Variants in ZRANB3 observed in about 807,000 individuals in gnomAD.
ZRANB3 encodes zinc finger RANBP2-type containing 3.
In ZRANB3, 125 loss-of-function variants were observed where a neutral mutation model predicts 133.8. The observed-to-expected ratio is 0.93, with a 90% CI of 0.81 to 1.08. ZRANB3 has a LOEUF of 1.08. Among genes scored for constraint, ZRANB3 ranks in the 50% least tolerant of loss-of-function variants. The pLI is 0.00. For missense variants in ZRANB3, 1,229 were observed against 1,275.5 expected (o/e 0.96, Z 0.56); for synonymous variants, 387 against 432.7 (o/e 0.89, Z 1.31).
intron 2 of ZRANB3, among the ~76,000 whole-genome samples, chr2:135,407,884 T>A (rs1332864308): frequency 7.1e-6 from 1 of 140,488 alleles, no homozygotes; most frequent in East Asian, 2.0e-4. Flanking sequence ...GAAGAAAACC[T>A]AGGCAATACC....
intron 2 of ZRANB3, among the ~76,000 whole-genome samples, chr2:135,413,703 C>T (rs563132104): frequency 9.0e-4 from 137 of 152,128 alleles, no homozygotes; most frequent in African/African-American, 2.6e-3. Flanking sequence ...TAATTTGATA[C>T]GCAACCAAGA....
intron 3 of ZRANB3, among the ~76,000 whole-genome samples, chr2:135,364,145 G>A (rs1685822379): frequency 6.6e-6 from 1 of 151,064 alleles, no homozygotes; most frequent in South Asian, 2.1e-4. Context: ...AGGGAGGGAA[G>A]GAAGGAAGGA....
At position 135,504,359 on chromosome 2, in the gene ZRANB3, C is replaced by T. The variant is rs763145891; in HGVS notation, c.131G>A (p.Gly44Asp). The T allele has an allele frequency of 6.2e-7, 1 of 1,613,510 alleles. No individual in the cohort carries two copies. The highest frequency in any genetic ancestry group is 8.5e-7 in the Non-Finnish European group (1 of 1,179,692). Residue 44 changes from glycine (G) to aspartate (D), a missense_variant, in exon 2 of 21, where the codon GGC becomes GAC. Coordinates refer to ENST00000264159, the MANE Select transcript of ZRANB3 (RefSeq NM_032143.4). Reference protein sequence around the residue: ...RAKLLPFQKDGIIFALKRNGR... With the variant: ...RAKLLPFQKDDIIFALKRNGR... The stretch of plus-strand genomic sequence containing the variant: ...ATTTCTTTTGAGGGCAAAAATGATG[C>T]CATCTTTCTGGAATGGAAGTAGCTT...
At chr2:135,499,340 T>C (rs1692832784) in intron 2 of ZRANB3, among the ~76,000 whole-genome samples, 1 of 152,198 alleles carries the variant, frequency 6.6e-6, no homozygotes, top group Non-Finnish European at 1.5e-5. Flanking sequence ...ATAAAGATTA[T>C]GTAAGATGAC....
chr2:135,242,048 G>A (rs1040724389), intron 12 of ZRANB3, among the ~76,000 whole-genome samples: 7 of 152,050 alleles, frequency 4.6e-5, no homozygotes, highest in Admixed American at 1.3e-4. Flanking sequence ...GGCATGGTGC[G>A]CACGCCTGTA....
intron 12 of ZRANB3, among the ~76,000 whole-genome samples, 172 bp from the exon 13 acceptor site, chr2:135,231,099 A>G (rs1029866211): frequency 6.6e-6 from 1 of 152,122 alleles, no homozygotes; most frequent in African/African-American, 2.4e-5. Flanking sequence ...ATAAATATAT[A>G]TATGTAAAAC....
chr2:135,271,680 C>G, intron 10 of ZRANB3, 88 bp downstream of exon 10: 1 of 1,437,468 alleles, frequency 7.0e-7, no homozygotes, highest in Non-Finnish European at 9.3e-7. Context: ...TACAAAGTTA[C>G]AAGTTTATAA....
intron 9 of ZRANB3, among the ~76,000 whole-genome samples, chr2:135,273,408 A>G (rs928148943): frequency 2.3e-4 from 35 of 152,346 alleles, no homozygotes; most frequent in Non-Finnish European, 2.6e-4. Flanking sequence ...GCAAGTATAC[A>G]TTAACCAGTA....
chr2:135,477,403 G>C (rs915720414), intron 2 of ZRANB3, among the ~76,000 whole-genome samples: 2 of 152,204 alleles, frequency 1.3e-5, no homozygotes, highest in African/African-American at 4.8e-5. Flanking sequence ...AATGGAGTTT[G>C]ATCAATGGAG....
intron 20 of ZRANB3, among the ~76,000 whole-genome samples, chr2:135,201,123 C>T (rs1868320): frequency 0.27 from 40,807 of 151,976 alleles, 9,160 homozygotes; most frequent in African/African-American, 0.6. Context: ...TGAGCTGGTG[C>T]AGAAAATAAA....
intron 8 of ZRANB3, among the ~76,000 whole-genome samples, chr2:135,283,534 C>T (rs969000368): frequency 1.3e-5 from 2 of 149,266 alleles, no homozygotes; most frequent in Non-Finnish European, 3.0e-5. Flanking sequence ...CACTTGAAGC[C>T]GGGAGGTAGA....
At chr2:135,450,412 T>A (rs1483763956) in intron 2 of ZRANB3, among the ~76,000 whole-genome samples, 1 of 152,002 alleles carries the variant, frequency 6.6e-6, no homozygotes, top group Non-Finnish European at 1.5e-5. Context: ...TACTAAAAAA[T>A]TTTATGTTTC....
Position 135,205,785 on chromosome 2 carries a change from A to G in ZRANB3, c.3009+1649T>C, listed in dbSNP as rs558294044. On this transcript the variant is annotated intron_variant, in intron 19 of 20. Coordinates refer to ENST00000264159, the MANE Select transcript of ZRANB3 (RefSeq NM_032143.4). ...TGTTGTATTAAAATTACATTTTTCA[A>G]TGCAATGAACACATATATGTGTGTG... 7.7e-4 allele frequency among the ~76,000 whole-genome samples: 117 copies of G among 152,336 alleles called. No homozygotes were observed. In the South Asian group the frequency reaches 0.013, roughly 18 times the overall value.
At chr2:135,303,695 T>G (rs913757453) in intron 8 of ZRANB3, among the ~76,000 whole-genome samples, 9 of 152,170 alleles carry the variant, frequency 5.9e-5, no homozygotes, top group South Asian at 4.1e-4. Flanking sequence ...CAAAAAAGAC[T>G]ACAAGGATTT....
chr2:135,265,642 A>G lies in ZRANB3; in HGVS notation c.1431T>C (p.Ile477=). Residue 477 remains isoleucine, a synonymous_variant, in exon 12 of 21, where the codon ATT becomes ATC. Transcript: ENST00000264159. The part of the protein sequence containing the change: ...GSTLNGRKEK[I]QAEEGDKEKW... ...TTTCCTTATCACCTTCCTCAGCCTG[A>G]ATTTTTTCTTTCCTACCGTTCAGTG... is the stretch of plus-strand genomic sequence containing the variant. The G allele has an allele frequency of 6.2e-7, 1 of 1,613,706 alleles. No individual in the cohort carries two copies. The highest frequency in any genetic ancestry group is 8.5e-7 in the Non-Finnish European group (1 of 1,179,778).
Position 135,313,484 on chromosome 2 carries a change from A to C in ZRANB3, c.966+5T>G, listed in dbSNP as rs762516316. The C allele has an allele frequency of 2.5e-5, 39 of 1,577,628 alleles. No individual in the cohort carries two copies. Among genetic ancestry groups the C allele is most frequent in the Non-Finnish European group, 3.4e-5 (39 of 1,150,372 alleles). ...ACAAATACATGATGGCCCAGCAAAG[A>C]GTACCTTGGCAATAGCAGTTTGTTT... On this transcript the variant is annotated splice_donor_5th_base_variant and intron_variant, in intron 8 of 20. Coordinates refer to ENST00000264159, the MANE Select transcript of ZRANB3 (RefSeq NM_032143.4).
chr2:135,466,177 G>GT (rs1456597555), intron 2 of ZRANB3, among the ~76,000 whole-genome samples: 1 of 152,134 alleles, frequency 6.6e-6, no homozygotes, highest in Non-Finnish European at 1.5e-5. Flanking sequence ...GAGGTCAGGA[G>GT]TTTGAGACCA....
At chr2:135,370,244 T>C (rs537789253) in intron 3 of ZRANB3, among the ~76,000 whole-genome samples, 11 of 152,030 alleles carry the variant, frequency 7.2e-5, no homozygotes, top group African/African-American at 2.4e-4. Context: ...GTAAGTTCTT[T>C]AGTGGTGATT....
intron 8 of ZRANB3, among the ~76,000 whole-genome samples, chr2:135,309,513 GAACT>G (rs1240392536): frequency 1.7e-4 from 26 of 152,024 alleles, no homozygotes; most frequent in African/African-American, 6.3e-4. Flanking sequence ...AAATCCACAA[GAACT>G]AATAAAAGGA....
Sources: gnomAD v4.1 joint callset for allele counts (sites outside exome capture counted in the v4.1 genomes callset) on GRCh38, gnomAD v4.1.1 for gene constraint, MANE v1.5 for transcripts, NCBI Gene and HGNC (gene_info 2026-07-23, HGNC 2026-07-21) for gene names.